The following ZDHHC21 variants were observed in gnomAD, a reference collection of about 807,000 sequenced individuals.
ZDHHC21 encodes the protein zDHHC palmitoyltransferase 21.
ZDHHC21 carries 15 observed loss-of-function variants against 34.6 expected under a neutral mutation model. The ratio of observed to expected loss-of-function variants is 0.43; its 90% confidence interval spans 0.29 to 0.67. The LOEUF is 0.67. Ranked by LOEUF, ZDHHC21 falls within the 30% of genes least tolerant of loss-of-function variation. ZDHHC21 has a pLI of 0.14. For synonymous variants in ZDHHC21, 142 were observed against 101.8 expected (o/e 1.40, Z -2.38); for missense variants, 344 against 327.7 (o/e 1.05, Z -0.38).
the ZDHHC21 span, among the ~76,000 whole-genome samples, chr9:14,592,698 A>T: frequency 1.3e-5 from 2 of 152,166 alleles, no homozygotes; most frequent in Admixed American, 1.3e-4. Flanking sequence ...ACTGTAACCT[A>T]CTACTATCAG....
Position 14,674,404 on chromosome 9 carries a change from G to T in ZDHHC21, c.-45-19C>A. On this transcript the variant is annotated intron_variant, in intron 3 of 9. Transcript: ENST00000380916. Reference sequence around the variant, plus strand: ...GATGATCCTAAGGAGAAGGAACAAAGAAAATAATTACTTACATAGAAAAAT... The same window carrying T: ...GATGATCCTAAGGAGAAGGAACAAATAAAATAATTACTTACATAGAAAAAT... 6.8e-7 allele frequency: 1 copy of T among 1,462,384 alleles called. No individual in the cohort carries two copies. The highest frequency in any genetic ancestry group is 1.4e-5 in the South Asian group (1 of 70,838). The allele number at this position is 1,462,384 out of a possible 1,614,324, so 90.6% of individuals were successfully genotyped here.
At chr9:14,630,007 C>T (rs1189970669) in intron 8 of ZDHHC21, among the ~76,000 whole-genome samples, 4 of 152,148 alleles carry the variant, frequency 2.6e-5, no homozygotes, top group Non-Finnish European at 5.9e-5. Context: ...GATCACGCCA[C>T]TGCACGCCAG....
At chr9:14,674,442 T>G (rs1319955679) in intron 3 of ZDHHC21, 57 bp from the exon 4 acceptor site, 10 of 1,167,460 alleles carry the variant, frequency 8.6e-6, no homozygotes, top group South Asian at 1.7e-5. Context: ...GACTAAAACC[T>G]GTATTTCTGG....
At chr9:14,596,395 G>T in the ZDHHC21 span, among the ~76,000 whole-genome samples, 1 of 152,226 alleles carries the variant, frequency 6.6e-6, no homozygotes, top group East Asian at 1.9e-4. Context: ...TGCCCTGAAG[G>T]AGTGTGTGTA....
chr9:14,689,217 C>T (rs1587507815), intron 2 of ZDHHC21, among the ~76,000 whole-genome samples: 1 of 152,092 alleles, frequency 6.6e-6, no homozygotes, highest in African/African-American at 2.4e-5. Flanking sequence ...AAGAAGAAAA[C>T]CGAAAATAGA....
At chr9:14,633,216 A>G (rs1431466257) in intron 8 of ZDHHC21, among the ~76,000 whole-genome samples, 2 of 152,192 alleles carry the variant, frequency 1.3e-5, no homozygotes, top group East Asian at 1.9e-4. Context: ...AAGAGAGAAC[A>G]CTGGAAATCA....
intron 6 of ZDHHC21, among the ~76,000 whole-genome samples, chr9:14,661,854 T>A (rs550103636): frequency 6.6e-6 from 1 of 152,216 alleles, no homozygotes; most frequent in South Asian, 2.1e-4. Flanking sequence ...TTCGGATGCA[T>A]ATGGTTTATT....
chr9:14,683,772 C>T (rs1837792526), intron 2 of ZDHHC21: 1 of 152,224 alleles, frequency 6.6e-6, no homozygotes, highest in Non-Finnish European at 1.5e-5. Context: ...AGACCAATAT[C>T]CCTGATGTAC....
downstream of ZDHHC21, among the ~76,000 whole-genome samples, chr9:14,607,105 C>T (rs1343569): frequency 0.5 from 71,740 of 144,714 alleles, 17,870 homozygotes; most frequent in South Asian, 0.65. Context: ...AAAAAATCTA[C>T]ATGATGCCCA....
chr9:14,619,249 G>T, intron 9 of ZDHHC21, 151 bp from the exon 10 acceptor site: 2 of 893,130 alleles, frequency 2.2e-6, no homozygotes, highest in Non-Finnish European at 3.2e-6. Flanking sequence ...ATTATGGCAT[G>T]CAGCTGAGTT....
intron 7 of ZDHHC21, among the ~76,000 whole-genome samples, chr9:14,652,237 T>C (rs1276538055): frequency 6.6e-6 from 1 of 152,000 alleles, no homozygotes; most frequent in Non-Finnish European, 1.5e-5. Flanking sequence ...TTTTTTAAGT[T>C]ACTATTTCTG....
chr9:14,662,412 GA>G (rs1330947927), intron 5 of ZDHHC21, 86 bp from the exon 6 acceptor site: 31 of 981,622 alleles, frequency 3.2e-5, no homozygotes, highest in Admixed American at 5.8e-5. Context: ...GATTTTATAG[GA>G]AGCCTTCAAC....
In ZDHHC21 at chr9:14,618,974, G is replaced by C; in HGVS notation, c.790C>G (p.His264Asp). 6.2e-7 allele frequency: 1 copy of C among 1,608,690 alleles called. No homozygotes were observed. The highest frequency in any genetic ancestry group is 1.7e-4 in the Middle Eastern group (1 of 6,020). ...PLRVPYHFAN[H>D]V ...GCCCACCATCCATCTGTTTAGACAT[G>C]ATTGGCAAAGTGGTAGGGAACTCGC... The change falls in exon 10 of 10, where the codon CAT becomes GAT. Residue 264 changes from histidine (H) to aspartate (D), a missense_variant. Coordinates refer to ENST00000380916, the MANE Select transcript of ZDHHC21 (RefSeq NM_178566.6).
chr9:14,655,377 G>A (rs1274053539), intron 7 of ZDHHC21, among the ~76,000 whole-genome samples: 4 of 151,786 alleles, frequency 2.6e-5, no homozygotes, highest in Admixed American at 2.6e-4. Flanking sequence ...AGGAGGCTCA[G>A]GTATAAAGAG....
At chr9:14,666,620 G>A (rs1200703039) in intron 5 of ZDHHC21, among the ~76,000 whole-genome samples, 15 of 108,698 alleles carry the variant, frequency 1.4e-4, no homozygotes, top group African/African-American at 4.3e-4. Flanking sequence ...CTCAGCAAAT[G>A]TAAAAGAACA....
the ZDHHC21 span, among the ~76,000 whole-genome samples, chr9:14,598,114 G>C: frequency 2.0e-5 from 3 of 151,978 alleles, no homozygotes; most frequent in African/African-American, 7.3e-5. Flanking sequence ...TCCACAACCA[G>C]CCCAGAGCAA....
downstream of ZDHHC21, among the ~76,000 whole-genome samples, chr9:14,608,563 G>C (rs1823092710): frequency 6.6e-6 from 1 of 152,008 alleles, no homozygotes; most frequent in Non-Finnish European, 1.5e-5. Context: ...TTTCTTGTTT[G>C]GAGAAGGGGC....
At chr9:14,678,380 G>A (rs530065305) in intron 3 of ZDHHC21, among the ~76,000 whole-genome samples, 1 of 151,952 alleles carries the variant, frequency 6.6e-6, no homozygotes, top group East Asian at 1.9e-4. Flanking sequence ...TGCAACACAT[G>A]ACCGACAAGA....
chr9:14,604,543 G>A, the ZDHHC21 span, among the ~76,000 whole-genome samples: 1 of 152,094 alleles, frequency 6.6e-6, no homozygotes, highest in Non-Finnish European at 1.5e-5. Context: ...GCAGGTTGAG[G>A]ACTTAGATGT....
Sources: gnomAD v4.1 joint callset for allele counts (sites outside exome capture counted in the v4.1 genomes callset) on GRCh38, gnomAD v4.1.1 for gene constraint, MANE v1.5 for transcripts, NCBI Gene and HGNC (gene_info 2026-07-23, HGNC 2026-07-21) for gene names.